TTC29: variants seen among roughly 807,000 people sequenced by gnomAD.
The protein encoded by TTC29 is tetratricopeptide repeat domain 29.
Under a neutral mutation model 58.1 loss-of-function variants are expected in TTC29, and 49 were observed. That is an observed-to-expected ratio of 0.84 (90% CI 0.67 to 1.07). TTC29 has a LOEUF of 1.07. TTC29 is among the 50% of genes least tolerant of loss of function. TTC29 has a pLI of 0.00. For missense variants in TTC29, 582 were observed against 555.6 expected (o/e 1.05, Z -0.48); for synonymous variants, 209 against 196.8 (o/e 1.06, Z -0.52).
intron 8 of TTC29, among the ~76,000 whole-genome samples, chr4:146,836,607 C>A (rs914599452): frequency 6.6e-6 from 1 of 152,034 alleles, no homozygotes; most frequent in African/African-American, 2.4e-5. Flanking sequence ...GGAAAAATAA[C>A]ATGATACTAC....
chr4:146,740,098 G>C (rs1203499739), intron 11 of TTC29, among the ~76,000 whole-genome samples: 1 of 152,132 alleles, frequency 6.6e-6, no homozygotes, highest in Non-Finnish European at 1.5e-5. Context: ...AGAAGCAGAG[G>C]CTCCACATGC....
intron 2 of TTC29, among the ~76,000 whole-genome samples, chr4:146,943,517 G>A (rs777883839): frequency 7.2e-5 from 11 of 152,096 alleles, no homozygotes; most frequent in Non-Finnish European, 1.3e-4. Context: ...AAGTTGAACA[G>A]GCTTTCTCTT....
intron 6 of TTC29, among the ~76,000 whole-genome samples, chr4:146,895,453 C>T (rs779757126): frequency 6.6e-6 from 1 of 152,120 alleles, no homozygotes; most frequent in African/African-American, 2.4e-5. Flanking sequence ...TTCCTCTCTC[C>T]TTCATTCTTC....
chr4:146,755,854 G>A (rs1746405286), intron 11 of TTC29, among the ~76,000 whole-genome samples: 1 of 152,030 alleles, frequency 6.6e-6, no homozygotes, highest in African/African-American at 2.4e-5. Flanking sequence ...TCCAAAACTA[G>A]TTTATTTTTG....
intron 4 of TTC29, among the ~76,000 whole-genome samples, chr4:146,912,058 C>G (rs776623060): frequency 2.6e-5 from 4 of 152,132 alleles, no homozygotes; most frequent in Non-Finnish European, 5.9e-5. Flanking sequence ...GAAGAATTGC[C>G]TTGGGCCACA....
At chr4:146,890,488 A>G (rs1732277613) in intron 6 of TTC29, among the ~76,000 whole-genome samples, 1 of 152,158 alleles carries the variant, frequency 6.6e-6, no homozygotes, top group South Asian at 2.1e-4. Flanking sequence ...CCCAGCAAAG[A>G]GATAACTAGA....
intron 4 of TTC29, among the ~76,000 whole-genome samples, chr4:146,922,012 CAAAAAAAA>C (rs34167190): frequency 3.0e-4 from 32 of 107,396 alleles, no homozygotes; most frequent in African/African-American, 9.8e-4. Flanking sequence ...GGATCCCCTA[CAAAAAAAA>C]AAAAAAAAAA....
intron 11 of TTC29, among the ~76,000 whole-genome samples, chr4:146,758,962 C>A (rs1020625733): frequency 6.6e-6 from 1 of 151,734 alleles, no homozygotes; most frequent in African/African-American, 2.4e-5. Flanking sequence ...CAAACCCACA[C>A]CCAAGAGAAG....
At chr4:146,737,265 A>T (rs1438016727) in intron 11 of TTC29, among the ~76,000 whole-genome samples, 2 of 152,178 alleles carry the variant, frequency 1.3e-5, no homozygotes, top group African/African-American at 4.8e-5. Context: ...TGGGGGATGC[A>T]TTAAAGTAGA....
intron 11 of TTC29, among the ~76,000 whole-genome samples, chr4:146,725,627 C>A (rs998645356): frequency 2.0e-5 from 3 of 152,086 alleles, no homozygotes; most frequent in Non-Finnish European, 4.4e-5. Flanking sequence ...GTCTTATCAC[C>A]AAAAAGCCTA....
intron 7 of TTC29, 131 bp downstream of exon 7, chr4:146,874,585 A>G: frequency 2.7e-6 from 2 of 745,688 alleles, no homozygotes; most frequent in Non-Finnish European, 4.4e-6. Flanking sequence ...TTGAAAGTAA[A>G]TTGATGGCAT....
At chr4:146,825,822 C>T (rs1727753073) in intron 9 of TTC29, among the ~76,000 whole-genome samples, 1 of 152,124 alleles carries the variant, frequency 6.6e-6, no homozygotes, top group African/African-American at 2.4e-5. Flanking sequence ...ATAATTAGTC[C>T]TTCTTGTTGA....
At chr4:146,749,644 A>T (rs1745826962) in intron 11 of TTC29, among the ~76,000 whole-genome samples, 1 of 152,248 alleles carries the variant, frequency 6.6e-6, no homozygotes, top group East Asian at 1.9e-4. Flanking sequence ...GGTTGGTAAA[A>T]CTCCCCAAGT....
At chr4:146,728,176 A>G (rs1390163058) in intron 11 of TTC29, among the ~76,000 whole-genome samples, 2 of 151,768 alleles carry the variant, frequency 1.3e-5, no homozygotes, top group Non-Finnish European at 2.9e-5. Flanking sequence ...AATCCCAGCT[A>G]CTCAGGAGGC....
chr4:146,846,306 A>T (rs1729165142), intron 8 of TTC29, among the ~76,000 whole-genome samples: 1 of 152,218 alleles, frequency 6.6e-6, no homozygotes, highest in Non-Finnish European at 1.5e-5. Context: ...ACATTCTCAG[A>T]CAAATAAAAG....
intron 8 of TTC29, among the ~76,000 whole-genome samples, chr4:146,854,034 C>T (rs1729677641): frequency 6.6e-6 from 1 of 152,140 alleles, no homozygotes; most frequent in African/African-American, 2.4e-5. Context: ...CCAGCTCCCT[C>T]ATCCCTCCCC....
intron 11 of TTC29, among the ~76,000 whole-genome samples, chr4:146,781,309 G>T (rs931759663): frequency 7.2e-5 from 11 of 151,808 alleles, no homozygotes; most frequent in African/African-American, 2.7e-4. Flanking sequence ...TAAATATTTA[G>T]ATTGCATCAT....
chr4:146,757,407 C>T (rs1368466695), intron 11 of TTC29, among the ~76,000 whole-genome samples: 2 of 152,044 alleles, frequency 1.3e-5, no homozygotes, highest in African/African-American at 2.4e-5. Flanking sequence ...GTCTCTCAGC[C>T]GTGGATACCA....
intron 11 of TTC29, among the ~76,000 whole-genome samples, chr4:146,732,600 G>A (rs924409021): frequency 6.6e-6 from 1 of 152,182 alleles, no homozygotes; most frequent in Non-Finnish European, 1.5e-5. Flanking sequence ...CTACGGGAAT[G>A]AGTAGGTAAG....
Sources: gnomAD v4.1 joint callset for allele counts (sites outside exome capture counted in the v4.1 genomes callset) on GRCh38, gnomAD v4.1.1 for gene constraint, MANE v1.5 for transcripts, NCBI Gene and HGNC (gene_info 2026-07-23, HGNC 2026-07-21) for gene names.